Variants in SV2B observed in about 807,000 individuals in gnomAD.
The protein encoded by SV2B is solute carrier family 22 member B2.
Under a neutral mutation model 73.9 loss-of-function variants are expected in SV2B, and 41 were observed. The observed-to-expected ratio is 0.56, with a 90% CI of 0.43 to 0.72. SV2B has a LOEUF of 0.72. Ranked by LOEUF, SV2B falls within the 30% of genes least tolerant of loss-of-function variation. The pLI, the probability that SV2B is intolerant of heterozygous loss-of-function variation, is 0.00. For synonymous variants in SV2B, 314 were observed against 314.2 expected, an observed-to-expected ratio of 1.00 and a Z score of 0.01; for missense variants, 764 against 857.8, an observed-to-expected ratio of 0.89 and a Z score of 1.37.
chr15:91,208,403 G>GA (rs1235022368), intron 1 of SV2B, among the ~76,000 whole-genome samples: 1 of 152,172 alleles, frequency 6.6e-6, no homozygotes, highest in African/African-American at 2.4e-5. Flanking sequence ...AAAACAACAT[G>GA]ATGTTAGTTG....
At chr15:91,119,804 A>G (rs2042279975) in intron 1 of SV2B, among the ~76,000 whole-genome samples, 1 of 152,122 alleles carries the variant, frequency 6.6e-6, no homozygotes, top group South Asian at 2.1e-4. Context: ...TAGGTGAGAA[A>G]ATATTTTATT....
intron 1 of SV2B, among the ~76,000 whole-genome samples, chr15:91,217,059 T>G (rs1463230738): frequency 1.3e-5 from 2 of 151,928 alleles, no homozygotes; most frequent in East Asian, 3.9e-4. Flanking sequence ...GGCTAATTAG[T>G]GGGGATGGGG....
At chr15:91,159,852 T>C (rs144624851) in intron 1 of SV2B, among the ~76,000 whole-genome samples, 1 of 152,138 alleles carries the variant, frequency 6.6e-6, no homozygotes, top group African/African-American at 2.4e-5. Context: ...AATCTAAGTG[T>C]CTAAGTGAAA....
intron 1 of SV2B, among the ~76,000 whole-genome samples, chr15:91,180,351 T>C: frequency 6.6e-6 from 1 of 152,020 alleles, no homozygotes; most frequent in East Asian, 1.9e-4. Flanking sequence ...TCAACTTTGG[T>C]GAATCTGACA....
chr15:91,206,873 G>A (rs1054400280), intron 1 of SV2B, among the ~76,000 whole-genome samples: 1 of 152,174 alleles, frequency 6.6e-6, no homozygotes, highest in African/African-American at 2.4e-5. Flanking sequence ...GATGTTCGAT[G>A]TTAGGATCTT....
At chr15:91,101,943 G>T (rs2041739688) in intron 1 of SV2B, 1 of 152,170 alleles carries the variant, frequency 6.6e-6, no homozygotes, top group African/African-American at 2.4e-5. Context: ...CTTCACAAAG[G>T]CAGGGACTCT....
rs2048953231 is a variant in SV2B, at chr15:91,288,973, T to A, written c.1709-548T>A. Among the ~76,000 whole-genome samples the A allele has an allele frequency of 6.6e-6, 1 of 152,222 alleles. No individual in the cohort carries two copies. The highest frequency in any genetic ancestry group is 2.1e-4 in the South Asian group (1 of 4,830). ...GATTATAGGCCAGAATTCCTTTCTT[T>A]TTAATGTCTGAGTAGTATCCCATTG... On this transcript the variant is annotated intron_variant, in intron 11 of 12. Coordinates refer to ENST00000394232, the MANE Select transcript of SV2B (RefSeq NM_001323032.3). The surrounding 1 kb of genome is among the most constrained non-coding windows in gnomAD (Gnocchi z 5.8).
intron 1 of SV2B, among the ~76,000 whole-genome samples, chr15:91,213,280 C>T (rs1196189492): frequency 1.3e-5 from 2 of 152,164 alleles, no homozygotes; most frequent in Non-Finnish European, 1.5e-5. Flanking sequence ...TTAACTTTTC[C>T]TCAAGCTGGT....
chr15:91,238,762 G>C (rs925518295), intron 2 of SV2B, among the ~76,000 whole-genome samples: 15 of 152,186 alleles, frequency 9.9e-5, no homozygotes, highest in Non-Finnish European at 2.1e-4. Flanking sequence ...GGCTGCCAGA[G>C]AGCTGAGTGG....
chr15:91,274,368 A>G lies in SV2B; in HGVS notation c.1373+5763A>G, dbSNP rs184538135. Among the ~76,000 whole-genome samples the G allele has an allele frequency of 1.6e-4, 25 of 152,322 alleles. No individual in the cohort carries two copies. In the East Asian group the frequency reaches 4.8e-3, roughly 29 times the overall value. ...TATGTCCTCTCTTTCTTTTCCTTAA[A>G]GGAAACTATATAAGATAGGGATTGT... On this transcript the variant is annotated intron_variant, in intron 9 of 12. Coordinates refer to ENST00000394232, the MANE Select transcript of SV2B (RefSeq NM_001323032.3).
intron 5 of SV2B, among the ~76,000 whole-genome samples, chr15:91,259,237 C>G (rs1049549235): frequency 5.9e-5 from 9 of 152,278 alleles, no homozygotes; most frequent in East Asian, 3.9e-4. Context: ...TACACAGGGT[C>G]CCCAGCCACC....
At chr15:91,171,872 A>G (rs1379775081) in intron 1 of SV2B, among the ~76,000 whole-genome samples, 1 of 152,174 alleles carries the variant, frequency 6.6e-6, no homozygotes, top group Non-Finnish European at 1.5e-5. Context: ...ATGACTGAAG[A>G]CAACATCTCC....
In SV2B at chr15:91,267,134, T is replaced by C. The variant is rs930459637; in HGVS notation, c.1120-421T>C. On this transcript the variant is annotated intron_variant, in intron 7 of 12. Transcript: ENST00000394232. This position sits in a 1 kb window ranked among gnomAD's most constrained non-coding sequence, Gnocchi z 4.3. The stretch of plus-strand genomic sequence containing the variant: ...TCCTCCAAGTAGGGAGCCAGTCAGC[T>C]ATTGAGCACTGAGGCAGCCAGACAG... Among the ~76,000 whole-genome samples, 1 of 152,228 alleles carries C rather than the reference T, an allele frequency of 6.6e-6. No individual in the cohort carries two copies. The highest frequency in any genetic ancestry group is 2.4e-5 in the African/African-American group (1 of 41,462).
chr15:91,260,190 C>T, intron 5 of SV2B, 130 bp from the exon 6 acceptor site: 1 of 713,768 alleles, frequency 1.4e-6, no homozygotes, highest in South Asian at 1.9e-5. Flanking sequence ...AGTCCATGTG[C>T]AATTGCCTCA....
intron 1 of SV2B, among the ~76,000 whole-genome samples, chr15:91,161,706 C>A (rs768691099): frequency 5.3e-5 from 8 of 152,102 alleles, no homozygotes; most frequent in Non-Finnish European, 1.2e-4. Flanking sequence ...AGTGGCAGAG[C>A]CAGGATTTGA....
At chr15:91,138,850 T>C (rs569603022) in intron 1 of SV2B, among the ~76,000 whole-genome samples, 16 of 152,308 alleles carry the variant, frequency 1.1e-4, no homozygotes, top group African/African-American at 3.8e-4. Flanking sequence ...TAGGACAAAC[T>C]ATCTGGTTTC....
At chr15:91,187,132 T>C (rs1027252651) in intron 1 of SV2B, among the ~76,000 whole-genome samples, 3 of 152,234 alleles carry the variant, frequency 2.0e-5, no homozygotes, top group African/African-American at 4.8e-5. Flanking sequence ...TGTTCATTCC[T>C]GGATGTGTGA....
chr15:91,114,183 C>CAAAAAA (rs11372573), intron 1 of SV2B, among the ~76,000 whole-genome samples: 28 of 55,972 alleles, frequency 5.0e-4, no homozygotes, highest in African/African-American at 1.8e-3. Flanking sequence ...GACTCCATCT[C>CAAAAAA]AAAAAAAAAA....
intron 1 of SV2B, among the ~76,000 whole-genome samples, chr15:91,148,789 G>A (rs959301804): frequency 6.6e-6 from 1 of 152,182 alleles, no homozygotes; most frequent in African/African-American, 2.4e-5. Flanking sequence ...GAAGGCAGAA[G>A]ACTGATGTCC....
Sources: allele counts gnomAD v4.1 joint callset (sites outside exome capture counted in the v4.1 genomes callset), GRCh38; gene constraint gnomAD v4.1.1; non-coding constraint Gnocchi (gnomAD v3.1); transcripts MANE v1.5; gene names NCBI Gene and HGNC (gene_info 2026-07-23, HGNC 2026-07-21).